CFAP100: variants seen among roughly 807,000 people sequenced by gnomAD.
CFAP100 encodes the protein cilia- and flagella-associated protein 100.
In CFAP100, 70 loss-of-function variants were observed where a neutral mutation model predicts 81.5. That is an observed-to-expected ratio of 0.86 (90% confidence interval 0.71 to 1.05). The LOEUF is 1.05. Ranked by LOEUF, CFAP100 falls within the 50% of genes least tolerant of loss-of-function variation. CFAP100 has a pLI of 0.00. For missense variants in CFAP100, 811 were observed against 776.5 expected, an observed-to-expected ratio of 1.04 and a Z score of -0.53; for synonymous variants, 341 against 314.8, an observed-to-expected ratio of 1.08 and a Z score of -0.88.
At chr3:126,398,188 G>A (rs1031761472) in intron 2 of CFAP100, among the ~76,000 whole-genome samples, 1 of 152,280 alleles carries the variant, frequency 6.6e-6, no homozygotes, top group South Asian at 2.1e-4. Flanking sequence ...ATCAGGGCGG[G>A]CAGGGGTGGG....
At chr3:126,435,269 T>C (rs1447452868) in intron 15 of CFAP100, among the ~76,000 whole-genome samples, 2 of 151,248 alleles carry the variant, frequency 1.3e-5, no homozygotes, top group Non-Finnish European at 3.0e-5. Flanking sequence ...AATGTGCCTC[T>C]GGGAGGGGTC....
chr3:126,425,280 T>A (rs548987677), intron 13 of CFAP100, among the ~76,000 whole-genome samples: 1 of 152,192 alleles, frequency 6.6e-6, no homozygotes, highest in South Asian at 2.1e-4. Flanking sequence ...TCCAGGGGAG[T>A]CACAGCCCAT....
chr3:126,434,325 G>C lies in CFAP100; in HGVS notation c.1572G>C (p.Val524=). ...LDELLENLEH[V]PQVKIEQAER... is the part of the protein sequence containing the mutation. ...AGCTGCTAGAGAACCTGGAGCACGT[G>C]CCCCAGGTCAAGATCGAGCAGGCCG... The change falls in exon 15 of 17, where the codon GTG becomes GTC. Residue 524 remains valine, a synonymous_variant. Coordinates refer to ENST00000352312, the MANE Select transcript of CFAP100 (RefSeq NM_182628.3). 1 of 1,614,110 alleles carries C rather than the reference G, an allele frequency of 6.2e-7. No homozygotes were observed. The highest frequency in any genetic ancestry group is 8.5e-7 in the Non-Finnish European group (1 of 1,180,022).
chr3:126,421,478 C>G (rs2083331219), intron 11 of CFAP100, among the ~76,000 whole-genome samples: 1 of 152,210 alleles, frequency 6.6e-6, no homozygotes, highest in Non-Finnish European at 1.5e-5. Flanking sequence ...GAAGCTGATG[C>G]TTTTTATCGG....
chr3:126,401,266 T>G (rs1201458153), intron 2 of CFAP100, among the ~76,000 whole-genome samples: 1 of 151,578 alleles, frequency 6.6e-6, no homozygotes, highest in Non-Finnish European at 1.5e-5. Context: ...GTGGTGGTTG[T>G]ACAACATTGT....
At chr3:126,411,223 C>T (rs55923668) in intron 3 of CFAP100, among the ~76,000 whole-genome samples, 19,441 of 152,136 alleles carry the variant, frequency 0.13, 1,518 homozygotes, top group Non-Finnish European at 0.17. Context: ...TCCCTGCATC[C>T]CTGGGATGGA....
intron 13 of CFAP100, among the ~76,000 whole-genome samples, chr3:126,432,272 G>A (rs1433238083): frequency 9.9e-6 from 1 of 101,350 alleles, no homozygotes; most frequent in Non-Finnish European, 1.8e-5. Flanking sequence ...GACTGAGCAA[G>A]ACTCCGTCTC....
intron 7 of CFAP100, 79 bp downstream of exon 7, chr3:126,418,853 C>CAGG: frequency 2.7e-6 from 4 of 1,457,822 alleles, no homozygotes; most frequent in Non-Finnish European, 3.7e-6. Context: ...CCCACTTATC[C>CAGG]AGCCTCTGCC....
chr3:126,415,535 G>T (rs543403606), intron 4 of CFAP100, among the ~76,000 whole-genome samples: 1 of 152,262 alleles, frequency 6.6e-6, no homozygotes, highest in East Asian at 1.9e-4. Flanking sequence ...TTTCCTGACT[G>T]CAGTGATGGG....
At chr3:126,407,482 C>T (rs560567985) in intron 3 of CFAP100, among the ~76,000 whole-genome samples, 17 of 152,218 alleles carry the variant, frequency 1.1e-4, no homozygotes, top group Non-Finnish European at 2.4e-4. Context: ...TCTTGAGGCT[C>T]CACTAACAGC....
intron 3 of CFAP100, 46 bp from the exon 4 acceptor site, chr3:126,414,039 C>T: frequency 7.0e-7 from 1 of 1,427,460 alleles, no homozygotes; most frequent in East Asian, 2.3e-5. Flanking sequence ...AGACCACCGC[C>T]TGGAAGAGCT....
chr3:126,419,621 C>T lies in CFAP100; in HGVS notation c.732-16C>T, dbSNP rs758895765. 6.2e-7 allele frequency: 1 copy of T among 1,610,418 alleles called. No individual in the cohort carries two copies. Among genetic ancestry groups the T allele is most frequent in the Admixed American group, 1.7e-5 (1 of 59,900 alleles). ...TGACCTCCTCCTTCCCACATCCTCA[C>T]CCCGCCCCGGTGTAGTGAGATCTCC... On this transcript the variant is annotated splice_polypyrimidine_tract_variant and intron_variant, in intron 8 of 16. Coordinates refer to ENST00000352312, the MANE Select transcript of CFAP100 (RefSeq NM_182628.3).
intron 11 of CFAP100, 58 bp downstream of exon 11, chr3:126,420,287 G>A (rs2083310199): frequency 3.1e-6 from 5 of 1,600,700 alleles, no homozygotes; most frequent in Non-Finnish European, 4.3e-6. Flanking sequence ...CCTCCCTTGT[G>A]GCACCCATGT....
intron 3 of CFAP100, among the ~76,000 whole-genome samples, chr3:126,413,575 C>T (rs1464117428): frequency 1.3e-5 from 2 of 152,380 alleles, no homozygotes; most frequent in Admixed American, 6.5e-5. Flanking sequence ...CAAAGCTTCA[C>T]AAGCCCCTCT....
chr3:126,423,463 C>A lies in CFAP100; in HGVS notation c.1135-30C>A, dbSNP rs113097621. ...CCTGCCCCTCTGGCTCTGTCCCTGT[C>A]CAGTCCCTGCCAAAACCTGTGGGTT... On this transcript the variant is annotated intron_variant, in intron 12 of 16. Coordinates refer to ENST00000352312, the MANE Select transcript of CFAP100 (RefSeq NM_182628.3). 2.0e-4 allele frequency: 330 copies of A among 1,613,506 alleles called. No individual in the cohort carries two copies. The African/African-American group carries it at 4.1e-3, about 20-fold the overall frequency.
chr3:126,406,271 C>A (rs1027455775), intron 2 of CFAP100, among the ~76,000 whole-genome samples: 2 of 152,204 alleles, frequency 1.3e-5, no homozygotes, highest in Non-Finnish European at 2.9e-5. Flanking sequence ...CTTCCCTCAC[C>A]CCATGACCAT....
chr3:126,423,013 G>A (rs1302072235), intron 11 of CFAP100, among the ~76,000 whole-genome samples: 1 of 152,224 alleles, frequency 6.6e-6, no homozygotes, highest in African/African-American at 2.4e-5. Context: ...AAGTGCAGTG[G>A]AGCTGGGATG....
chr3:126,416,535 C>A (rs1257054955), intron 5 of CFAP100, 27 bp downstream of exon 5: 1 of 1,519,460 alleles, frequency 6.6e-7, no homozygotes, highest in South Asian at 1.2e-5. Context: ...GCGGGGGGAC[C>A]TGGGCCAGTG....
At position 126,434,362 on chromosome 3, in the gene CFAP100, G is replaced by A. The variant is rs1560083184; in HGVS notation, c.1609G>A (p.Glu537Lys). ...VKIEQAERAK[E>K]KERRIRLREE... is the part of the protein sequence containing the mutation. ...GATCGAGCAGGCCGAGAGGGCAAAGGAGAAGGAGCGGCGCATCAGGTGAGC... is the reference window on the plus strand; with the variant it reads ...GATCGAGCAGGCCGAGAGGGCAAAGAAGAAGGAGCGGCGCATCAGGTGAGC... The change falls in exon 15 of 17, where the codon GAG becomes AAG. Residue 537 changes from glutamate to lysine, a missense_variant. Glu to Lys is a moderately conservative substitution (Grantham distance 56). Transcript: ENST00000352312. 3 of 1,613,710 alleles carry A rather than the reference G, an allele frequency of 1.9e-6. No homozygotes were observed. Among genetic ancestry groups the A allele is most frequent in the Non-Finnish European group, 2.5e-6 (3 of 1,179,916 alleles).
Sources: allele counts gnomAD v4.1 joint callset (sites outside exome capture counted in the v4.1 genomes callset), GRCh38; gene constraint gnomAD v4.1.1; transcripts MANE v1.5; gene names NCBI Gene and HGNC (gene_info 2026-07-23, HGNC 2026-07-21).